The following GPC5 variants were observed in gnomAD, a reference collection of about 807,000 sequenced individuals.
GPC5 encodes the protein glypican 5.
A neutral mutation model predicts 53.9 loss-of-function variants in GPC5; 47 were observed. The observed-to-expected ratio is 0.87, with a 90% CI of 0.69 to 1.11. The LOEUF (loss-of-function observed/expected upper bound fraction) is 1.11, where lower values mean the gene tolerates loss of function less well. GPC5 is among the 50% of genes most tolerant of loss of function. The pLI is 0.00. For synonymous variants in GPC5, 286 were observed against 263.3 expected (o/e 1.09, Z -0.84); for missense variants, 748 against 713.1 (o/e 1.05, Z -0.56).
intron 7 of GPC5, among the ~76,000 whole-genome samples, chr13:92,478,208 A>G (rs540000151): frequency 2.6e-5 from 4 of 152,294 alleles, no homozygotes; most frequent in African/African-American, 9.6e-5. Flanking sequence ...TGAAGACCCA[A>G]TAGAGAAAAA....
At chr13:92,526,266 A>G (rs79836226) in intron 7 of GPC5, among the ~76,000 whole-genome samples, 74 of 152,248 alleles carry the variant, frequency 4.9e-4, no homozygotes, top group African/African-American at 1.8e-3. Flanking sequence ...AATATGATAA[A>G]TGTTGACAGA....
chr13:92,039,442 A>G (rs1178775428), intron 6 of GPC5, among the ~76,000 whole-genome samples: 1 of 152,206 alleles, frequency 6.6e-6, no homozygotes, highest in African/African-American at 2.4e-5. Context: ...GAAATTTTAC[A>G]ATAATGATTA....
intron 5 of GPC5, among the ~76,000 whole-genome samples, chr13:91,876,488 T>C (rs367654156): frequency 3.9e-5 from 6 of 152,174 alleles, no homozygotes; most frequent in African/African-American, 1.4e-4. Context: ...GTGACTCTTG[T>C]TATGTTATAG....
chr13:92,630,788 C>A (rs1449321885), intron 7 of GPC5, among the ~76,000 whole-genome samples: 3 of 152,126 alleles, frequency 2.0e-5, no homozygotes, highest in Admixed American at 2.0e-4. Flanking sequence ...CTTGTCCTAG[C>A]AAAACTGTTG....
At chr13:91,402,877 T>C (rs1046863470) in intron 1 of GPC5, among the ~76,000 whole-genome samples, 9 of 152,236 alleles carry the variant, frequency 5.9e-5, no homozygotes, top group African/African-American at 1.9e-4. Context: ...CGTTACATTA[T>C]GGTGAATATT....
intron 5 of GPC5, among the ~76,000 whole-genome samples, chr13:91,822,682 G>A (rs1366795428): frequency 6.6e-6 from 1 of 151,986 alleles, no homozygotes; most frequent in South Asian, 2.1e-4. Flanking sequence ...CCCATGACAC[G>A]TGGGGATTAT....
intron 2 of GPC5, among the ~76,000 whole-genome samples, chr13:91,505,975 T>G (rs879815841): frequency 2.6e-5 from 4 of 152,108 alleles, no homozygotes; most frequent in Non-Finnish European, 5.9e-5. Flanking sequence ...AGAATAGGAT[T>G]TATTATGAAA....
intron 7 of GPC5, among the ~76,000 whole-genome samples, chr13:92,599,211 C>CT (rs1412358027): frequency 6.6e-6 from 1 of 152,116 alleles, no homozygotes; most frequent in African/African-American, 2.4e-5. Context: ...GATATACAGA[C>CT]TTATAGGCAG....
At chr13:92,373,351 T>C (rs1322284272) in intron 7 of GPC5, among the ~76,000 whole-genome samples, 2 of 152,234 alleles carry the variant, frequency 1.3e-5, no homozygotes, top group South Asian at 2.1e-4. Flanking sequence ...TTCTATGTGA[T>C]CGATACCAGT....
intron 7 of GPC5, among the ~76,000 whole-genome samples, chr13:92,544,117 CTGGT>C (rs1882021984): frequency 1.3e-5 from 2 of 151,894 alleles, no homozygotes; most frequent in Admixed American, 6.6e-5. Context: ...TATACCAAAC[CTGGT>C]TTGAGAGGGA....
intron 7 of GPC5, among the ~76,000 whole-genome samples, chr13:92,199,298 A>G (rs2042278322): frequency 6.6e-6 from 1 of 152,196 alleles, no homozygotes; most frequent in Admixed American, 6.5e-5. Flanking sequence ...TTCTAGCCTG[A>G]CCCACTCAAT....
At chr13:92,551,320 A>G (rs1023141014) in intron 7 of GPC5, among the ~76,000 whole-genome samples, 3 of 151,766 alleles carry the variant, frequency 2.0e-5, no homozygotes, top group Admixed American at 2.0e-4. Context: ...AGAGAGCGAA[A>G]ATAATTAAAT....
intron 7 of GPC5, among the ~76,000 whole-genome samples, chr13:92,149,220 T>C (rs1190875306): frequency 2.0e-5 from 3 of 152,024 alleles, no homozygotes; most frequent in Non-Finnish European, 4.4e-5. Flanking sequence ...TTCTCAAACC[T>C]TTTATCATGT....
In GPC5 at chr13:92,726,525, G is replaced by A. The variant is rs1594458202; in HGVS notation, c.1562-139757G>A. 3.3e-5 allele frequency among the ~76,000 whole-genome samples: 5 copies of A among 151,638 alleles called. 1 individual carries two copies. Among genetic ancestry groups the A allele is most frequent in the East Asian group, 1.9e-4 (1 of 5,136 alleles). ...TGCCACCTCAGCTTCCCAAGTAGCT[G>A]AGACTACAGGCCCATGCCACCATAC... On this transcript the variant is annotated intron_variant, in intron 7 of 7. Coordinates refer to ENST00000377067, the MANE Select transcript of GPC5 (RefSeq NM_004466.6).
intron 6 of GPC5, among the ~76,000 whole-genome samples, chr13:92,063,048 C>G (rs1488617314): frequency 6.6e-6 from 1 of 151,008 alleles, no homozygotes; most frequent in Non-Finnish European, 1.5e-5. Context: ...AGAAGCAAAT[C>G]AGGAAAGACT....
intron 7 of GPC5, among the ~76,000 whole-genome samples, chr13:92,474,093 T>C (rs990304460): frequency 1.3e-5 from 2 of 151,898 alleles, no homozygotes; most frequent in African/African-American, 4.8e-5. Context: ...AATAACAGCA[T>C]AAACTGTTTC....
At chr13:92,677,088 A>G (rs1886966808) in intron 7 of GPC5, among the ~76,000 whole-genome samples, 2 of 152,324 alleles carry the variant, frequency 1.3e-5, no homozygotes, top group South Asian at 4.1e-4. Context: ...AGTAGAACAA[A>G]AACTTAAAGT....
intron 6 of GPC5, among the ~76,000 whole-genome samples, chr13:92,121,458 C>T (rs932707081): frequency 7.2e-5 from 11 of 152,278 alleles, no homozygotes; most frequent in East Asian, 3.9e-4. Context: ...TGGACAAATC[C>T]GTGCTGTTCT....
intron 7 of GPC5, among the ~76,000 whole-genome samples, chr13:92,628,838 A>T (rs994428589): frequency 6.6e-6 from 1 of 152,182 alleles, no homozygotes; most frequent in Non-Finnish European, 1.5e-5. Context: ...ATGGAACTAG[A>T]AGAAGTTCTG....
Sources: allele counts gnomAD v4.1 joint callset (sites outside exome capture counted in the v4.1 genomes callset), GRCh38; gene constraint gnomAD v4.1.1; transcripts MANE v1.5; gene names NCBI Gene and HGNC (gene_info 2026-07-23, HGNC 2026-07-21).